The following HIPK2 variants were observed in gnomAD, a reference collection of about 807,000 sequenced individuals.
HIPK2 encodes the protein homeodomain interacting protein kinase 2.
HIPK2 carries 27 observed loss-of-function variants against 113.7 expected under a neutral mutation model. That is an observed-to-expected ratio of 0.24 (90% CI 0.17 to 0.33). HIPK2 has a LOEUF of 0.33. Among genes scored for constraint, HIPK2 ranks in the 10% least tolerant of loss-of-function variants. The pLI is 1.00. For missense variants in HIPK2, 1,257 were observed against 1,588.0 expected, an observed-to-expected ratio of 0.79 and a Z score of 3.54; for synonymous variants, 631 against 642.2, an observed-to-expected ratio of 0.98 and a Z score of 0.26.
At chr7:139,706,789 T>C (rs1794911276) in intron 2 of HIPK2, among the ~76,000 whole-genome samples, 1 of 152,262 alleles carries the variant, frequency 6.6e-6, no homozygotes, top group Admixed American at 6.5e-5. Flanking sequence ...TTTCCTTTTA[T>C]TCTCTTTCCA....
intron 2 of HIPK2, among the ~76,000 whole-genome samples, chr7:139,685,196 G>T (rs1244157891): frequency 2.0e-5 from 3 of 152,058 alleles, no homozygotes; most frequent in Non-Finnish European, 2.9e-5. Context: ...TTTGAGACAG[G>T]GTCTCACTCT....
intron 1 of HIPK2, among the ~76,000 whole-genome samples, chr7:139,738,969 C>T (rs1796022384): frequency 6.6e-6 from 1 of 152,172 alleles, no homozygotes; most frequent in African/African-American, 2.4e-5. Flanking sequence ...ACTGCTCCTC[C>T]ACACCCATGG....
chr7:139,648,826 T>C (rs1262818668), intron 2 of HIPK2, among the ~76,000 whole-genome samples: 2 of 151,130 alleles, frequency 1.3e-5, no homozygotes, highest in East Asian at 3.9e-4. Flanking sequence ...TTGTGTTCAG[T>C]GTGGACAAAT....
chr7:139,581,045 C>G (rs1465177257), intron 13 of HIPK2, among the ~76,000 whole-genome samples: 7 of 152,024 alleles, frequency 4.6e-5, no homozygotes, highest in Non-Finnish European at 8.8e-5. Flanking sequence ...CGCGGTGAAA[C>G]CCCATCTCTA....
In HIPK2 at chr7:139,613,121, G is replaced by T; in HGVS notation, c.2112+81C>A. 6 of 1,525,558 alleles carry T rather than the reference G, an allele frequency of 3.9e-6. No individual in the cohort carries two copies. Among genetic ancestry groups the T allele is most frequent in the East Asian group, 4.7e-5 (2 of 42,952 alleles). The allele number at this position is 1,525,558 out of a possible 1,614,324, so 94.5% of individuals were successfully genotyped here. A position where few individuals can be genotyped will look rare whatever the true frequency, so the allele number is the denominator to read the frequency against. ...ACCTAACTCATTACTAGGGAGAGAG[G>T]GAGTGGAGATATATATCTTTTGTGA... On this transcript the variant is annotated intron_variant, in intron 9 of 14. Transcript: ENST00000406875. This position sits in a 1 kb window ranked among gnomAD's most constrained non-coding sequence, Gnocchi z 4.2.
chr7:139,658,324 G>C (rs1281371920), intron 2 of HIPK2, among the ~76,000 whole-genome samples: 1 of 143,304 alleles, frequency 7.0e-6, no homozygotes, highest in South Asian at 2.2e-4. Context: ...AAAAAAAAAT[G>C]AACGGGGAAA....
intron 12 of HIPK2, among the ~76,000 whole-genome samples, chr7:139,594,758 C>T (rs1449781846): frequency 1.3e-5 from 2 of 152,122 alleles, no homozygotes; most frequent in African/African-American, 2.4e-5. Context: ...TTTCACGACC[C>T]TGGCAGGCTG....
chr7:139,687,146 T>C lies in HIPK2; in HGVS notation c.1103+28786A>G, dbSNP rs565151278. ...ATTTAAAAATGATGTCTTGCTATGT[T>C]GGCCAGACTGGTCTCAACTCATCAC... On this transcript the variant is annotated intron_variant, in intron 2 of 14. Coordinates refer to ENST00000406875, the MANE Select transcript of HIPK2 (RefSeq NM_022740.5). 5.9e-5 allele frequency among the ~76,000 whole-genome samples: 9 copies of C among 152,398 alleles called. No individual in the cohort carries two copies. The East Asian group carries it at 1.5e-3, about 26-fold the overall frequency.
chr7:139,657,295 G>T (rs1470483151), intron 2 of HIPK2, among the ~76,000 whole-genome samples: 2 of 152,192 alleles, frequency 1.3e-5, no homozygotes, highest in Non-Finnish European at 2.9e-5. Flanking sequence ...GAGGTACTAC[G>T]TCAGTCAGAG....
intron 1 of HIPK2, among the ~76,000 whole-genome samples, chr7:139,748,174 A>G (rs1330213532): frequency 6.6e-6 from 1 of 152,148 alleles, no homozygotes; most frequent in Non-Finnish European, 1.5e-5. Flanking sequence ...TGTTCTTCGG[A>G]AGCTGGTCTG....
chr7:139,604,790 A>G (rs1433248388), intron 9 of HIPK2, among the ~76,000 whole-genome samples: 1 of 151,144 alleles, frequency 6.6e-6, no homozygotes, highest in East Asian at 1.9e-4. Flanking sequence ...TTGAAGAATG[A>G]TTTCTTTATA....
intron 2 of HIPK2, among the ~76,000 whole-genome samples, chr7:139,697,382 C>G (rs1473336793): frequency 2.0e-5 from 3 of 152,162 alleles, no homozygotes; most frequent in African/African-American, 7.2e-5. Context: ...AAGTATAAAT[C>G]ATCTTCGCAA....
intron 1 of HIPK2, among the ~76,000 whole-genome samples, chr7:139,769,443 C>T (rs1161531639): frequency 6.6e-6 from 1 of 152,252 alleles, no homozygotes; most frequent in Non-Finnish European, 1.5e-5. Context: ...CCCTTCTCCA[C>T]ACCACAAAAT....
rs376849350 is a variant in HIPK2 at position 139,681,810 on chromosome 7, A to T, written c.1103+34122T>A. On this transcript the variant is annotated intron_variant, in intron 2 of 14. Coordinates refer to ENST00000406875, the MANE Select transcript of HIPK2 (RefSeq NM_022740.5). ...GGGTCCATGCAGCCACCACTGCTCC[A>T]GGGAGCAGAAGGTCTGATGTTCTCT... Among the ~76,000 whole-genome samples, 18 of 152,298 alleles carry T rather than the reference A, an allele frequency of 1.2e-4. No individual in the cohort carries two copies. In the East Asian group the frequency reaches 1.4e-3, roughly 11 times the overall value.
chr7:139,609,058 A>T (rs1799726061), intron 9 of HIPK2, among the ~76,000 whole-genome samples: 1 of 152,214 alleles, frequency 6.6e-6, no homozygotes, highest in Non-Finnish European at 1.5e-5. Context: ...CTGCTAGTCA[A>T]AGGAGATTTT....
At chr7:139,762,635 T>C (rs1317477520) in intron 1 of HIPK2, among the ~76,000 whole-genome samples, 1 of 152,238 alleles carries the variant, frequency 6.6e-6, no homozygotes, top group African/African-American at 2.4e-5. Context: ...TTTGAAGATA[T>C]ACTATACACT....
intron 1 of HIPK2, among the ~76,000 whole-genome samples, chr7:139,745,244 A>G (rs1318175153): frequency 6.6e-6 from 1 of 152,144 alleles, no homozygotes; most frequent in African/African-American, 2.4e-5. Flanking sequence ...GTTACCCTGA[A>G]ATTTCTCTTC....
intron 2 of HIPK2, among the ~76,000 whole-genome samples, chr7:139,687,103 T>A (rs1345483550): frequency 6.6e-6 from 1 of 152,256 alleles, no homozygotes. Flanking sequence ...TTTTATTCAT[T>A]CATTCATTCA....
At position 139,717,114 on chromosome 7, in the gene HIPK2, C is replaced by T. The variant is rs1386730560; in HGVS notation, c.20-99G>A. 2.3e-5 allele frequency: 32 copies of T among 1,386,674 alleles called. 1 individual carries two copies. In the South Asian group the frequency reaches 3.7e-4, roughly 16 times the overall value. 85.9% of individuals were successfully genotyped at this position (1,386,674 alleles called of 1,614,324 possible). ...GTTCTCATCTGTGGCTTGGGCCATA[C>T]AGAATATATTCCTCCCACTTGAAAA... On this transcript the variant is annotated intron_variant, in intron 1 of 14. Coordinates refer to ENST00000406875, the MANE Select transcript of HIPK2 (RefSeq NM_022740.5).
Sources: gnomAD v4.1 joint callset for allele counts (sites outside exome capture counted in the v4.1 genomes callset) on GRCh38, gnomAD v4.1.1 for gene constraint, Gnocchi (gnomAD v3.1) non-coding constraint, MANE v1.5 for transcripts, NCBI Gene and HGNC (gene_info 2026-07-23, HGNC 2026-07-21) for gene names.